The following HDAC8 variants were observed in gnomAD, a reference collection of about 807,000 sequenced individuals.
HDAC8 encodes the protein histone deacetylase 8.
HDAC8 carries 1 observed loss-of-function variant against 32.2 expected under a neutral mutation model. The ratio of observed to expected loss-of-function variants is 0.03; its 90% CI spans 0.01 to 0.15. The LOEUF (loss-of-function observed/expected upper bound fraction) is 0.15. Among genes scored for constraint, HDAC8 ranks in the 10% least tolerant of loss-of-function variants. HDAC8 has a pLI of 1.00. For synonymous variants in HDAC8, 108 were observed against 113.9 expected, an observed-to-expected ratio of 0.95 and a Z score of 0.33; for missense variants, 117 against 300.0, an observed-to-expected ratio of 0.39 and a Z score of 4.51.
chrX:72,411,395 C>T (rs1019674946), intron 9 of HDAC8, among the ~76,000 whole-genome samples: 1 of 112,109 alleles, frequency 8.9e-6, no homozygotes, highest in Admixed American at 9.4e-5. Flanking sequence ...AAGTTCTTTA[C>T]GTCTTTCATA....
chrX:72,448,695 G>A (rs1209193173), intron 9 of HDAC8, among the ~76,000 whole-genome samples: 2 of 112,053 alleles, frequency 1.8e-5, no homozygotes, highest in Non-Finnish European at 3.8e-5. Context: ...TCTGATAAAA[G>A]GCTAATATCT....
chrX:72,570,986 G>A (rs1385812139), intron 2 of HDAC8, among the ~76,000 whole-genome samples: 2 of 111,992 alleles, frequency 1.8e-5, no homozygotes, highest in Admixed American at 9.4e-5. Context: ...GTGCAGTGGC[G>A]CAATCTCGGC....
intron 4 of HDAC8, among the ~76,000 whole-genome samples, chrX:72,553,944 C>T (rs2051178609): frequency 1.8e-5 from 2 of 111,774 alleles, no homozygotes; most frequent in Admixed American, 1.9e-4. Flanking sequence ...TTTTTTCATG[C>T]TTGTTTAATG....
At chrX:72,486,258 AAG>A (rs1413776867) in intron 7 of HDAC8, among the ~76,000 whole-genome samples, 13 of 112,213 alleles carry the variant, frequency 1.2e-4, no homozygotes, top group Non-Finnish European at 2.3e-4. Context: ...GCAAATGTGT[AAG>A]AGACTGTTTC....
intron 9 of HDAC8, among the ~76,000 whole-genome samples, chrX:72,410,580 G>A (rs782808334): frequency 8.9e-6 from 1 of 111,924 alleles, no homozygotes; most frequent in Non-Finnish European, 1.9e-5. Context: ...CTGTGCCTTA[G>A]TTTCCTCAGC....
At chrX:72,421,912 C>T (rs934495681) in intron 9 of HDAC8, among the ~76,000 whole-genome samples, 3 of 112,016 alleles carry the variant, frequency 2.7e-5, no homozygotes, top group African/African-American at 9.7e-5. Context: ...GTTTGAAGTG[C>T]AGTTTTGCTG....
Position 72,330,084 on chromosome X carries a change from CAG to C in HDAC8, c.1112-10_1112-9del, listed in dbSNP as rs1602491264. The C allele has an allele frequency of 2.5e-6, 3 of 1,201,722 alleles. No homozygotes were observed. The highest frequency in any genetic ancestry group is 2.2e-5 in the Admixed American group (1 of 45,696). ...CCACATGCTTCAGATTCCCTGCAAA[CAG>C]GGGAGAAAACAAAATTCAAAGTCAG... On this transcript the variant is annotated splice_polypyrimidine_tract_variant and intron_variant, in intron 10 of 10. Transcript: ENST00000373573.
At chrX:72,465,145 G>A (rs1262373564) in intron 7 of HDAC8, among the ~76,000 whole-genome samples, 2 of 111,217 alleles carry the variant, frequency 1.8e-5, no homozygotes, top group African/African-American at 6.5e-5. Context: ...GACCATACTT[G>A]GAGTTTAATC....
intron 9 of HDAC8, among the ~76,000 whole-genome samples, chrX:72,394,343 TG>T (rs1398814047): frequency 2.7e-5 from 3 of 111,442 alleles, no homozygotes; most frequent in Non-Finnish European, 3.8e-5. Context: ...TTCTATCCCT[TG>T]GGACTTGTGC....
rs1272106535 is a variant in HDAC8 at position 72,391,199 on chromosome X, C to T, written c.1006-39361G>A. Among the ~76,000 whole-genome samples, 5 of 112,015 alleles carry T rather than the reference C, an allele frequency of 4.5e-5. No individual in the cohort carries two copies. The Admixed American group carries it at 4.7e-4, about 11-fold the overall frequency. The stretch of plus-strand genomic sequence containing the variant: ...TATCTGGGTTTCAGTGATGTAGAGG[C>T]CCTCCATGTAGGAATCTGTGTTACT... On this transcript the variant is annotated intron_variant, in intron 9 of 10. Transcript: ENST00000373573.
chrX:72,514,321 T>A (rs2049710295), intron 4 of HDAC8, among the ~76,000 whole-genome samples: 1 of 112,106 alleles, frequency 8.9e-6, no homozygotes, highest in Non-Finnish European at 1.9e-5. Flanking sequence ...GGTACATTTG[T>A]CTTTATAGTG....
chrX:72,494,724 C>T (rs1315924999), intron 5 of HDAC8, among the ~76,000 whole-genome samples: 9 of 111,927 alleles, frequency 8.0e-5, no homozygotes, highest in Non-Finnish European at 1.5e-4. Context: ...GATCACTACA[C>T]GAGTTGGCAA....
intron 4 of HDAC8, among the ~76,000 whole-genome samples, chrX:72,539,318 G>A (rs1244851882): frequency 8.1e-5 from 9 of 110,992 alleles, no homozygotes; most frequent in African/African-American, 2.9e-4. Flanking sequence ...TGCAACCTCC[G>A]CCTCCCGGGT....
chrX:72,476,809 C>T (rs1407120136), intron 7 of HDAC8, among the ~76,000 whole-genome samples: 1 of 111,682 alleles, frequency 9.0e-6, no homozygotes, highest in Admixed American at 9.5e-5. Flanking sequence ...CCTTTGAGTG[C>T]TATGTTAATT....
chrX:72,489,160 G>T, intron 6 of HDAC8, 119 bp from the exon 7 acceptor site: 3 of 476,894 alleles, frequency 6.3e-6, no homozygotes, highest in Non-Finnish European at 1.1e-5. Flanking sequence ...ATATAAAGAA[G>T]TAAGTATTGT....
At chrX:72,424,248 C>CT (rs781909752) in intron 9 of HDAC8, among the ~76,000 whole-genome samples, 2 of 111,587 alleles carry the variant, frequency 1.8e-5, no homozygotes, top group African/African-American at 6.5e-5. Flanking sequence ...TTTAGGATAG[C>CT]TTTTTTTCTC....
intron 9 of HDAC8, among the ~76,000 whole-genome samples, chrX:72,447,470 C>T (rs1296973282): frequency 8.9e-6 from 1 of 111,984 alleles, no homozygotes; most frequent in African/African-American, 3.2e-5. Flanking sequence ...GACAAACCGA[C>T]AGCCAATATC....
intron 9 of HDAC8, among the ~76,000 whole-genome samples, chrX:72,413,239 G>C (rs1157583878): frequency 9.3e-6 from 1 of 107,287 alleles, no homozygotes; most frequent in Non-Finnish European, 1.9e-5. Flanking sequence ...TTAACATTAA[G>C]TATCTCTCCT....
At position 72,563,771 on chromosome X, in the gene HDAC8, A is replaced by G. The variant is rs572429831; in HGVS notation, c.437+4118T>C. Reference sequence around the variant, plus strand: ...ATTAGGCCACATTCCCAGAAGTAAGATTACCTGATCAAAGGGCATTAATAC... The same window carrying G: ...ATTAGGCCACATTCCCAGAAGTAAGGTTACCTGATCAAAGGGCATTAATAC... On this transcript the variant is annotated intron_variant, in intron 4 of 10. Transcript: ENST00000373573. Among the ~76,000 whole-genome samples, 6 of 111,495 alleles carry G rather than the reference A, an allele frequency of 5.4e-5. No individual in the cohort carries two copies. The South Asian group carries it at 2.3e-3, about 42-fold the overall frequency.
Sources: allele counts gnomAD v4.1 joint callset (sites outside exome capture counted in the v4.1 genomes callset), GRCh38; gene constraint gnomAD v4.1.1; transcripts MANE v1.5; gene names NCBI Gene and HGNC (gene_info 2026-07-23, HGNC 2026-07-21).